ATP2A3: variants seen among roughly 807,000 people sequenced by gnomAD.
The protein encoded by ATP2A3 is sarcoplasmic/endoplasmic reticulum calcium ATPase 3.
A neutral mutation model predicts 106.8 loss-of-function variants in ATP2A3; 61 were observed. The ratio of observed to expected loss-of-function variants is 0.57; its 90% CI spans 0.46 to 0.71. ATP2A3 has a LOEUF of 0.71. ATP2A3 is among the 30% of genes least tolerant of loss of function. ATP2A3 has a pLI of 0.00. For missense variants in ATP2A3, 1,201 were observed against 1,423.5 expected, an observed-to-expected ratio of 0.84 and a Z score of 2.52; for synonymous variants, 611 against 609.3, an observed-to-expected ratio of 1.00 and a Z score of -0.04.
chr17:3,959,106 C>T (rs2054994538), intron 1 of ATP2A3, among the ~76,000 whole-genome samples: 1 of 151,892 alleles, frequency 6.6e-6, no homozygotes, highest in Non-Finnish European at 1.5e-5. Context: ...CCATGTTGGC[C>T]AGGCTGGTTT....
At chr17:3,935,071 C>T in intron 17 of ATP2A3, 121 bp downstream of exon 17, 8 of 1,039,998 alleles carry the variant, frequency 7.7e-6, no homozygotes, top group Admixed American at 3.9e-5. Context: ...GATGTTTATT[C>T]GTGTATAGCG....
chr17:3,951,196 A>AAAAT lies in ATP2A3; in HGVS notation c.463+51_463+54dup, dbSNP rs1263402208. ...TCAAAAAATAAATAAATAAATAAAT[A>AAAAT]AAATAAATAAATAAATAAAATAAAA... On this transcript the variant is annotated intron_variant, in intron 5 of 20. Coordinates refer to ENST00000397041, the MANE Select transcript of ATP2A3 (RefSeq NM_005173.4). 4.7e-4 allele frequency: 562 copies of AAAAT among 1,196,828 alleles called. 2 individuals are homozygous for AAAAT. Among genetic ancestry groups the AAAAT allele is most frequent in the South Asian group, 2.6e-3 (87 of 33,270 alleles). The allele number at this position is 1,196,828 out of a possible 1,614,324, so 74.1% of individuals were successfully genotyped here. A position where few individuals can be genotyped will look rare whatever the true frequency, so the allele number is the denominator to read the frequency against.
chr17:3,930,777 C>T lies in ATP2A3; in HGVS notation c.2611-343G>A. The T allele has an allele frequency of 2.4e-6, 1 of 414,668 alleles. No homozygotes were observed. The highest frequency in any genetic ancestry group is 2.1e-5 in the South Asian group (1 of 48,134). The allele number at this position is 414,668 out of a possible 1,614,324, so 25.7% of individuals were successfully genotyped here. ...GGAAATGCATGTGAAAATCAACCAA[C>T]AAAACCATGCGGGAGTGGAATTCAC... On this transcript the variant is annotated intron_variant, in intron 17 of 20. Coordinates refer to ENST00000397041, the MANE Select transcript of ATP2A3 (RefSeq NM_005173.4). This position sits in a 1 kb window ranked among gnomAD's most constrained non-coding sequence, Gnocchi z 5.4.
chr17:3,930,494 G>A lies in ATP2A3; in HGVS notation c.2611-60C>T. On this transcript the variant is annotated intron_variant, in intron 17 of 20. Transcript: ENST00000397041. This position sits in a 1 kb window ranked among gnomAD's most constrained non-coding sequence, Gnocchi z 5.4. ...GGTCAGGCGAGGGGCTGGTGGGTGGGAGGAGGGAAGCCTCATCCTGCCCTT... is the reference window on the plus strand; with the variant it reads ...GGTCAGGCGAGGGGCTGGTGGGTGGAAGGAGGGAAGCCTCATCCTGCCCTT... 6.3e-7 allele frequency: 1 copy of A among 1,597,218 alleles called. No homozygotes were observed.
chr17:3,953,717 G>A lies in ATP2A3; in HGVS notation c.119-7C>T, dbSNP rs754304110. The A allele has an allele frequency of 6.4e-6, 10 of 1,570,378 alleles. No individual in the cohort carries two copies. In the Admixed American group the frequency reaches 9.4e-5, roughly 15 times the overall value. On this transcript the variant is annotated splice_polypyrimidine_tract_variant and splice_region_variant and intron_variant, in intron 1 of 20. Transcript: ENST00000397041. This position sits in a 1 kb window ranked among gnomAD's most constrained non-coding sequence, Gnocchi z 5.1. Reference sequence around the variant, plus strand: ...CCTTCCTCACTCGGGAGCTCTGCAGGATCCAGGCAGCCACGGGAGCCATGA... The same window carrying A: ...CCTTCCTCACTCGGGAGCTCTGCAGAATCCAGGCAGCCACGGGAGCCATGA...
At chr17:3,951,559 T>TGCCCCC in intron 4 of ATP2A3, 22 bp downstream of exon 4, 1 of 596,262 alleles carries the variant, frequency 1.7e-6, no homozygotes, top group Non-Finnish European at 2.5e-6. Context: ...CCCCGCCCGG[T>TGCCCCC]CCCACCCCCA....
At position 3,945,119 on chromosome 17, in the gene ATP2A3, G is replaced by A. The variant is rs1403449927; in HGVS notation, c.1125C>T (p.Gly375=). 2 of 1,548,276 alleles carry A rather than the reference G, an allele frequency of 1.3e-6. No homozygotes were observed. The highest frequency in any genetic ancestry group is 1.2e-5 in the South Asian group (1 of 83,988). Reference sequence around the variant, plus strand: ...TGGTGAACTCGTGCAAAAGGCAGGAGCCCGCATCGGCCTCGGCTACCACGA... The same window carrying A: ...TGGTGAACTCGTGCAAAAGGCAGGAACCCGCATCGGCCTCGGCTACCACGA... The part of the protein sequence containing the change: ...RMFVVAEADA[G]SCLLHEFTIS... The change falls in exon 9 of 21, where the codon GGC becomes GGT. Residue 375 remains glycine (G), a synonymous_variant. Transcript: ENST00000397041.
chr17:3,940,043 G>GTTTTTT lies in ATP2A3; in HGVS notation c.2100+922_2100+927dup, dbSNP rs1294599615. On this transcript the variant is annotated intron_variant, in intron 14 of 20. Coordinates refer to ENST00000397041, the MANE Select transcript of ATP2A3 (RefSeq NM_005173.4). ...TAATGTGTCATATCTTTTTTTTTTT[G>GTTTTTT]TTTTTTGTTTTTTTTTTTTTTGGAG... Among the ~76,000 whole-genome samples the GTTTTTT allele has an allele frequency of 1.5e-4, 13 of 87,612 alleles. 1 individual carries two copies. The highest frequency in any genetic ancestry group is 1.7e-4 in the African/African-American group (3 of 17,544). The allele number at this position is 87,612 out of a possible 152,430, so 57.5% of individuals were successfully genotyped here. A position where few individuals can be genotyped will look rare whatever the true frequency, so the allele number is the denominator to read the frequency against.
At chr17:3,935,415 C>A (rs1331579196) in intron 16 of ATP2A3, 138 bp from the exon 17 acceptor site, 8 of 764,766 alleles carry the variant, frequency 1.0e-5, no homozygotes, top group Non-Finnish European at 1.5e-5. Flanking sequence ...GCAGGCACCT[C>A]CCCTCGATGC....
At chr17:3,943,889 C>A (rs564521797) in intron 10 of ATP2A3, among the ~76,000 whole-genome samples, 3 of 152,314 alleles carry the variant, frequency 2.0e-5, no homozygotes, top group African/African-American at 4.8e-5. Context: ...GCCTGCTGAA[C>A]CTTGTTCCCC....
intron 5 of ATP2A3, 33 bp downstream of exon 5, chr17:3,951,218 A>C: frequency 1.5e-6 from 2 of 1,323,004 alleles, no homozygotes; most frequent in Middle Eastern, 2.6e-4. Context: ...TAAATAAAAT[A>C]AAATAAAATA....
chr17:3,964,194 C>A lies in ATP2A3; in HGVS notation c.98G>T (p.Arg33Leu), dbSNP rs1331149061. The change falls in exon 1 of 21, where the codon CGG becomes CTG. Residue 33 changes from arginine (R) to leucine (L), a missense_variant. Physicochemically the swap from Arg to Leu is moderately radical, Grantham distance 102. Coordinates refer to ENST00000397041, the MANE Select transcript of ATP2A3 (RefSeq NM_005173.4). ...GLSPAQVTGA[R>L]ERYGPNELPS... is the part of the protein sequence containing the mutation. The stretch of plus-strand genomic sequence containing the variant: ...CTCACCGTTGGGGCCGTAGCGCTCC[C>A]GCGCGCCGGTCACCTGCGCCGGGCT... 3.2e-6 allele frequency: 4 copies of A among 1,244,934 alleles called. No individual in the cohort carries two copies. In the South Asian group the frequency reaches 7.9e-5, roughly 24 times the overall value. The allele number at this position is 1,244,934 out of a possible 1,614,324, so 77.1% of individuals were successfully genotyped here.
rs2052891405 is a variant in ATP2A3 at position 3,929,106 on chromosome 17, C to A, written c.2862+222G>T. On this transcript the variant is annotated intron_variant, in intron 19 of 20. Transcript: ENST00000397041. The surrounding 1 kb of genome is among the most constrained non-coding windows in gnomAD (Gnocchi z 4.3). ...AAGCTCGTCCTTCCTCCCACCCCAG[C>A]CTGGGCACAGTCCCCTCAGCAAGGG... Among the ~76,000 whole-genome samples, 1 of 152,186 alleles carries A rather than the reference C, an allele frequency of 6.6e-6. No individual in the cohort carries two copies. Among genetic ancestry groups the A allele is most frequent in the African/African-American group, 2.4e-5 (1 of 41,428 alleles).
At chr17:3,940,859 G>T in intron 14 of ATP2A3, 112 bp downstream of exon 14, 1 of 1,306,782 alleles carries the variant, frequency 7.7e-7, no homozygotes, top group Non-Finnish European at 1.1e-6. Context: ...TTGGTAATAA[G>T]ATGTTAGAAA....
Position 3,955,268 on chromosome 17 carries a change from A to AT in ATP2A3, c.119-1559dup, listed in dbSNP as rs370178653. ...GTCCACCTGTTTTTGGCCTACAGGC[A>AT]TTTTTTTTTCCTACGGGAGCCCTCT... On this transcript the variant is annotated intron_variant, in intron 1 of 20. Transcript: ENST00000397041. This position sits in a 1 kb window ranked among gnomAD's most constrained non-coding sequence, Gnocchi z 4.2. Among the ~76,000 whole-genome samples, 14 of 151,114 alleles carry AT rather than the reference A, an allele frequency of 9.3e-5. No individual in the cohort carries two copies. Among genetic ancestry groups the AT allele is most frequent in the Non-Finnish European group, 1.3e-4 (9 of 67,688 alleles).
chr17:3,934,903 A>G lies in ATP2A3; in HGVS notation c.2610+289T>C, dbSNP rs2053339343. On this transcript the variant is annotated intron_variant, in intron 17 of 20. Transcript: ENST00000397041. ...TAGGGGCTCATTCCTCTGAGGCCTC[A>G]ACGTTTTAGGGGTCCCTTGACAAAG... is the stretch of plus-strand genomic sequence containing the variant. 5 of 423,726 alleles carry G rather than the reference A, an allele frequency of 1.2e-5. No individual in the cohort carries two copies. In the East Asian group the frequency reaches 2.4e-4, roughly 20 times the overall value. The allele number at this position is 423,726 out of a possible 1,614,324, so 26.2% of individuals were successfully genotyped here.
At chr17:3,943,560 C>T (rs1181168415) in intron 10 of ATP2A3, 38 bp from the exon 11 acceptor site, 3 of 1,613,012 alleles carry the variant, frequency 1.9e-6, no homozygotes, top group East Asian at 2.2e-5. Context: ...GAGGGGCAGG[C>T]AGCCTCCAGC....
intron 10 of ATP2A3, among the ~76,000 whole-genome samples, chr17:3,944,080 A>C (rs1487292933): frequency 6.6e-6 from 1 of 151,912 alleles, no homozygotes; most frequent in Non-Finnish European, 1.5e-5. Flanking sequence ...CCCTCTCCCC[A>C]AGGCTCCAGC....
chr17:3,958,729 T>C (rs1167680185), intron 1 of ATP2A3, among the ~76,000 whole-genome samples: 3 of 117,838 alleles, frequency 2.5e-5, no homozygotes, highest in African/African-American at 7.7e-5. Flanking sequence ...CACATATATA[T>C]ACACATATAT....
Sources: gnomAD v4.1 joint callset for allele counts (sites outside exome capture counted in the v4.1 genomes callset) on GRCh38, gnomAD v4.1.1 for gene constraint, Gnocchi (gnomAD v3.1) non-coding constraint, MANE v1.5 for transcripts, NCBI Gene and HGNC (gene_info 2026-07-23, HGNC 2026-07-21) for gene names.